TTC28: variants seen among roughly 807,000 people sequenced by gnomAD.
TTC28 encodes the protein tetratricopeptide repeat domain 28, also known as tetratricopeptide repeat protein 28.
In TTC28, 61 loss-of-function variants were observed where a neutral mutation model predicts 198.0. The ratio of observed to expected loss-of-function variants is 0.31; its 90% CI spans 0.25 to 0.38. The LOEUF (loss-of-function observed/expected upper bound fraction) is 0.38. TTC28 is among the 10% of genes least tolerant of loss of function. The pLI is 1.00. For synonymous variants in TTC28, 1,171 were observed against 1,297.8 expected (o/e 0.90, Z 2.10); for missense variants, 2,678 against 3,164.0 (o/e 0.85, Z 3.69).
At chr22:28,138,016 TG>T (rs200226543) in intron 6 of TTC28, among the ~76,000 whole-genome samples, 60 of 151,788 alleles carry the variant, frequency 4.0e-4, no homozygotes, top group African/African-American at 1.4e-3. Flanking sequence ...ACTCCGTTGT[TG>T]TTTTTTTTTA....
chr22:28,108,288 A>G lies in TTC28; in HGVS notation c.1557T>C (p.Asn519=), dbSNP rs201404534. The G allele has an allele frequency of 3.9e-6, 6 of 1,546,630 alleles. No individual in the cohort carries two copies. The highest frequency in any genetic ancestry group is 2.7e-5 in the African/African-American group (2 of 72,962). ...DYAAQGRAYG[N]MGNAYNALGM... The stretch of plus-strand genomic sequence containing the variant: ...CCAGGGCATTGTAGGCATTGCCCAT[A>G]TTCCCATAGGCACGGCCCTGGGCAG... Residue 519 remains asparagine (N), a synonymous_variant, in exon 7 of 23, where the codon AAT becomes AAC. Transcript: ENST00000397906.
chr22:28,536,164 AC>A (rs1284446179), intron 2 of TTC28, among the ~76,000 whole-genome samples: 1 of 138,842 alleles, frequency 7.2e-6, no homozygotes, highest in Non-Finnish European at 1.5e-5. Flanking sequence ...ACGCCACTGC[AC>A]TCCAGCCTGG....
rs1435989149 is a variant in TTC28, at chr22:28,163,305, A to G, written c.1228T>C (p.Phe410Leu). Residue 410 changes from phenylalanine to leucine, a missense_variant, in exon 6 of 23, where the codon TTT becomes CTT. Phe to Leu is a conservative substitution (Grantham distance 22). This residue lies in a region of TTC28 where 775 missense variants were observed against 845.9 expected (regional missense o/e 0.92). Coordinates refer to ENST00000397906, the MANE Select transcript of TTC28 (RefSeq NM_001145418.2). ...TTATGGTAAGACATGGCCTTGTCAA[A>G]GTTCCTCCGGTAGTGATAGGCACTG... ...LGSAYHYRRNFDKAMSYHNYV... is the reference protein window; with the variant it reads ...LGSAYHYRRNLDKAMSYHNYV... 13 of 1,551,932 alleles carry G rather than the reference A, an allele frequency of 8.4e-6. No individual in the cohort carries two copies. The highest frequency in any genetic ancestry group is 3.3e-4 in the Middle Eastern group (2 of 6,014).
At chr22:28,582,269 T>C (rs2050244122) in intron 2 of TTC28, among the ~76,000 whole-genome samples, 1 of 152,128 alleles carries the variant, frequency 6.6e-6, no homozygotes, top group African/African-American at 2.4e-5. Flanking sequence ...AATATTTATT[T>C]CTTAGTGCCA....
chr22:28,435,387 T>C (rs2146211293), intron 2 of TTC28, among the ~76,000 whole-genome samples: 1 of 152,336 alleles, frequency 6.6e-6, no homozygotes, highest in Non-Finnish European at 1.5e-5. Context: ...AGGTTTCCTA[T>C]AAATCCTGAA....
At chr22:28,576,489 T>C (rs2050152594) in intron 2 of TTC28, among the ~76,000 whole-genome samples, 1 of 152,102 alleles carries the variant, frequency 6.6e-6, no homozygotes, top group African/African-American at 2.4e-5. Context: ...AGTGGTAATA[T>C]TAGCCTCATA....
intron 6 of TTC28, among the ~76,000 whole-genome samples, chr22:28,132,670 A>T (rs1402156463): frequency 6.6e-6 from 1 of 152,202 alleles, no homozygotes; most frequent in Non-Finnish European, 1.5e-5. Flanking sequence ...TGAGAGCTTT[A>T]TTCAGATCAT....
At chr22:28,517,387 C>T (rs1437652222) in intron 2 of TTC28, among the ~76,000 whole-genome samples, 1 of 152,136 alleles carries the variant, frequency 6.6e-6, no homozygotes, top group African/African-American at 2.4e-5. Context: ...ATCTTCCAGT[C>T]AGCTTTTGCC....
chr22:28,030,781 C>A (rs1034865230), intron 12 of TTC28, among the ~76,000 whole-genome samples: 2 of 152,258 alleles, frequency 1.3e-5, no homozygotes, highest in Non-Finnish European at 2.9e-5. Flanking sequence ...GCACAAGCTG[C>A]AGTCCAGTCC....
At chr22:28,639,753 C>A (rs1468658173) in intron 1 of TTC28, among the ~76,000 whole-genome samples, 2 of 152,196 alleles carry the variant, frequency 1.3e-5, no homozygotes, top group Admixed American at 6.5e-5. Flanking sequence ...TCCAATTAAA[C>A]CTCTTTCTTT....
chr22:28,109,124 C>G (rs1942409971), intron 6 of TTC28, among the ~76,000 whole-genome samples: 1 of 152,202 alleles, frequency 6.6e-6, no homozygotes, highest in African/African-American at 2.4e-5. Context: ...CTGACAAACA[C>G]AAAAGATTGC....
intron 5 of TTC28, among the ~76,000 whole-genome samples, chr22:28,236,724 TCTCAACACTTTAAA>T (rs1224464683): frequency 1.3e-5 from 2 of 152,170 alleles, no homozygotes; most frequent in Non-Finnish European, 2.9e-5. Flanking sequence ...AAAATTATTA[TCTCAACACTTTAAA>T]TTCCAGCGTA....
At chr22:28,537,293 AAAAATAAAATAAAATAAAATAAAAT>A (rs58235209) in intron 2 of TTC28, among the ~76,000 whole-genome samples, 4 of 110,256 alleles carry the variant, frequency 3.6e-5, no homozygotes, top group African/African-American at 6.1e-5. Flanking sequence ...ACTCCGTCTC[AAAAATAAAATAAAATAAAATAAAAT>A]AAAATAAAAT....
chr22:28,115,692 T>C (rs544229584), intron 6 of TTC28, among the ~76,000 whole-genome samples: 54 of 152,248 alleles, frequency 3.5e-4, no homozygotes, highest in Non-Finnish European at 7.5e-4. Context: ...CTTAATTACA[T>C]CTGTCTCCTT....
chr22:27,999,210 C>T lies in TTC28; in HGVS notation c.4449G>A (p.Ala1483=), dbSNP rs150797889. ...GTAGCTTGGGGTTGCCGATGACAGCCGCCATGGATGTGGAGCTGGAGTATG... is the reference window on the plus strand; with the variant it reads ...GTAGCTTGGGGTTGCCGATGACAGCTGCCATGGATGTGGAGCTGGAGTATG... ...PPTYSSSTSM[A]AVIGNPKLPS... is the part of the protein sequence containing the mutation. Residue 1483 remains alanine, a synonymous_variant, in exon 16 of 23, where the codon GCG becomes GCA. Transcript: ENST00000397906. 9.0e-6 allele frequency: 14 copies of T among 1,550,844 alleles called. 1 individual carries two copies. Among genetic ancestry groups the T allele is most frequent in the African/African-American group, 8.2e-5 (6 of 73,034 alleles).
chr22:28,031,332 CTT>C (rs1939067241), intron 12 of TTC28, among the ~76,000 whole-genome samples: 1 of 152,166 alleles, frequency 6.6e-6, no homozygotes, highest in Non-Finnish European at 1.5e-5. Flanking sequence ...CACATTCAGA[CTT>C]TGTGGAGATG....
At chr22:28,029,895 G>A (rs1282360533) in intron 13 of TTC28, among the ~76,000 whole-genome samples, 6 of 152,240 alleles carry the variant, frequency 3.9e-5, no homozygotes, top group African/African-American at 1.4e-4. Context: ...AAAGAAGTAT[G>A]TGAAGTTGCT....
chr22:28,475,690 A>G (rs1311944600), intron 2 of TTC28, among the ~76,000 whole-genome samples: 1 of 152,210 alleles, frequency 6.6e-6, no homozygotes, highest in Non-Finnish European at 1.5e-5. Context: ...TGCCAATCAG[A>G]TACTGAATAA....
intron 1 of TTC28, among the ~76,000 whole-genome samples, chr22:28,649,991 C>T (rs978183266): frequency 2.0e-5 from 3 of 152,024 alleles, no homozygotes; most frequent in African/African-American, 7.2e-5. Context: ...AGAGGGGAAC[C>T]AGTGAAATCA....
Sources: gnomAD v4.1 joint callset for allele counts (sites outside exome capture counted in the v4.1 genomes callset) on GRCh38, gnomAD v4.1.1 for gene constraint, gnomAD v4.1.1 regional missense constraint, MANE v1.5 for transcripts, NCBI Gene and HGNC (gene_info 2026-07-23, HGNC 2026-07-21) for gene names.